AIG1: variants seen among roughly 807,000 people sequenced by gnomAD.
AIG1 encodes androgen-induced gene 1 protein.
AIG1 carries 23 observed loss-of-function variants against 31.4 expected under a neutral mutation model. The observed-to-expected ratio is 0.73, with a 90% confidence interval of 0.53 to 1.04. AIG1 has a LOEUF of 1.04. Ranked by LOEUF, AIG1 falls within the 50% of genes least tolerant of loss-of-function variation. The probability of loss-of-function intolerance (pLI) is 0.00; values close to 1 mark genes in which losing one functional copy is unlikely to be tolerated. For missense variants in AIG1, 274 were observed against 295.0 expected (o/e 0.93, Z 0.52); for synonymous variants, 100 against 110.5 (o/e 0.90, Z 0.60).
intron 4 of AIG1, among the ~76,000 whole-genome samples, chr6:143,332,841 T>C (rs1777190151): frequency 6.6e-6 from 1 of 152,180 alleles, no homozygotes; most frequent in Admixed American, 6.5e-5. Context: ...AAGTAGAGAC[T>C]GAGAAACTGC....
intron 3 of AIG1, among the ~76,000 whole-genome samples, chr6:143,254,538 CTTTTG>C (rs959879127): frequency 1.3e-5 from 2 of 152,188 alleles, no homozygotes; most frequent in Non-Finnish European, 2.9e-5. Flanking sequence ...TCTTTTCCAT[CTTTTG>C]TTTTGTTTTG....
intron 3 of AIG1, among the ~76,000 whole-genome samples, chr6:143,263,521 T>A (rs1237700537): frequency 1.3e-5 from 2 of 152,232 alleles, no homozygotes; most frequent in East Asian, 3.8e-4. Context: ...AATGTAACTT[T>A]AATAACAAGG....
chr6:143,323,703 C>A (rs1289632376), intron 4 of AIG1, among the ~76,000 whole-genome samples: 4 of 152,134 alleles, frequency 2.6e-5, no homozygotes, highest in Admixed American at 2.0e-4. Flanking sequence ...GGAATCTTGG[C>A]AGACCCCCAC....
At chr6:143,103,662 T>C (rs986336587) in intron 1 of AIG1, among the ~76,000 whole-genome samples, 3 of 151,310 alleles carry the variant, frequency 2.0e-5, no homozygotes, top group African/African-American at 4.9e-5. Flanking sequence ...CGCCCGCCAC[T>C]ACGCCCGGCT....
In AIG1 at chr6:143,151,680, C is replaced by T. The variant is rs78859580; in HGVS notation, c.298-13402C>T. ...CTCTCAGTAAGTGAACTTATGCTAA[C>T]GAAATGATTATAGACTAAAGATTAA... On this transcript the variant is annotated intron_variant, in intron 2 of 5. Transcript: ENST00000357847. Among the ~76,000 whole-genome samples, 678 of 152,064 alleles carry T rather than the reference C, an allele frequency of 4.5e-3. 3 individuals carry two copies. Among genetic ancestry groups the T allele is most frequent in the Non-Finnish European group, 7.8e-3 (529 of 67,994 alleles).
intron 3 of AIG1, among the ~76,000 whole-genome samples, chr6:143,282,426 T>C (rs1177380481): frequency 6.6e-6 from 1 of 152,222 alleles, no homozygotes; most frequent in Non-Finnish European, 1.5e-5. Flanking sequence ...CTCAAACTGT[T>C]GGCGACATTC....
Position 143,329,038 on chromosome 6 carries a change from A to G in AIG1, c.516-4244A>G, listed in dbSNP as rs1402365035. On this transcript the variant is annotated intron_variant, in intron 4 of 5. Transcript: ENST00000357847. The surrounding 1 kb of genome is among the most constrained non-coding windows in gnomAD (Gnocchi z 4.9). Reference sequence around the variant, plus strand: ...GAGAATTGAGCCCTGATAAAAATCAAGGAAACAAATGGTGAAAGCACAACT... The same window carrying G: ...GAGAATTGAGCCCTGATAAAAATCAGGGAAACAAATGGTGAAAGCACAACT... 6.6e-6 allele frequency among the ~76,000 whole-genome samples: 1 copy of G among 152,248 alleles called. No individual in the cohort carries two copies. Among genetic ancestry groups the G allele is most frequent in the African/African-American group, 2.4e-5 (1 of 41,472 alleles).
intron 3 of AIG1, among the ~76,000 whole-genome samples, chr6:143,245,171 T>C (rs1339504414): frequency 6.6e-6 from 1 of 152,210 alleles, no homozygotes; most frequent in African/African-American, 2.4e-5. Context: ...TAATCTCTTA[T>C]ATTAGTAGAG....
intron 2 of AIG1, among the ~76,000 whole-genome samples, chr6:143,157,052 AC>A (rs1184039604): frequency 6.6e-6 from 1 of 152,254 alleles, no homozygotes. Context: ...TTATTTTTAG[AC>A]CTTGCAGACC....
At chr6:143,277,941 C>T (rs866310779) in intron 3 of AIG1, among the ~76,000 whole-genome samples, 3 of 152,170 alleles carry the variant, frequency 2.0e-5, no homozygotes, top group Admixed American at 6.5e-5. Flanking sequence ...TGAGAGCTCC[C>T]CTAATTCATC....
intron 3 of AIG1, among the ~76,000 whole-genome samples, chr6:143,227,381 C>G (rs1222230398): frequency 6.6e-6 from 1 of 152,214 alleles, no homozygotes; most frequent in East Asian, 1.9e-4. Context: ...GCCCCTGCCC[C>G]GTGCCCCTCC....
intron 1 of AIG1, among the ~76,000 whole-genome samples, chr6:143,073,691 A>G (rs2128463369): frequency 1.3e-5 from 2 of 152,356 alleles, no homozygotes; most frequent in Middle Eastern, 3.4e-3. Context: ...TGTAGGAAAC[A>G]TAACACTAGC....
At chr6:143,274,006 CT>C (rs1796720969) in intron 3 of AIG1, among the ~76,000 whole-genome samples, 1 of 152,214 alleles carries the variant, frequency 6.6e-6, no homozygotes, top group South Asian at 2.1e-4. Context: ...ACTCTCCCTT[CT>C]TCCCCTCTAC....
At chr6:143,119,595 T>A (rs1782069639) in intron 1 of AIG1, among the ~76,000 whole-genome samples, 2 of 152,222 alleles carry the variant, frequency 1.3e-5, no homozygotes, top group South Asian at 4.1e-4. Flanking sequence ...GATAACACTT[T>A]TGTGTTTGCA....
chr6:143,329,226 A>G lies in AIG1; in HGVS notation c.516-4056A>G, dbSNP rs1313522572. ...TTTTGGAGACAATATTGAATGCCTC[A>G]TTTAGGGAAGCAAGTCCATGCAGCA... On this transcript the variant is annotated intron_variant, in intron 4 of 5. Coordinates refer to ENST00000357847, the MANE Select transcript of AIG1 (RefSeq NM_016108.4). The surrounding 1 kb of genome is among the most constrained non-coding windows in gnomAD (Gnocchi z 4.9). Among the ~76,000 whole-genome samples, 4 of 152,238 alleles carry G rather than the reference A, an allele frequency of 2.6e-5. No individual in the cohort carries two copies. The highest frequency in any genetic ancestry group is 7.2e-5 in the African/African-American group (3 of 41,476).
chr6:143,204,335 T>C (rs771918193), intron 3 of AIG1, among the ~76,000 whole-genome samples: 1 of 152,154 alleles, frequency 6.6e-6, no homozygotes, highest in Non-Finnish European at 1.5e-5. Context: ...TGTGCTCAGC[T>C]AGAACTGTTG....
At chr6:143,114,218 A>T (rs1781550538) in intron 1 of AIG1, among the ~76,000 whole-genome samples, 1 of 152,188 alleles carries the variant, frequency 6.6e-6, no homozygotes, top group Non-Finnish European at 1.5e-5. Context: ...CTTTCAAAAC[A>T]CATATCTGTT....
chr6:143,205,826 C>CT (rs1168656438), intron 3 of AIG1, among the ~76,000 whole-genome samples: 1 of 152,172 alleles, frequency 6.6e-6, no homozygotes, highest in Non-Finnish European at 1.5e-5. Context: ...CAAACAAAAG[C>CT]TTTTAATAAA....
Position 143,197,177 on chromosome 6 carries a change from CTT to C in AIG1, c.399+32006_399+32007del, listed in dbSNP as rs76014278. On this transcript the variant is annotated intron_variant, in intron 3 of 5. Transcript: ENST00000357847. ...TCAAATGTTTCTCGACACAAAAGTG[CTT>C]TTTTTTTTTTTCCTGTAGGACAGTA... Among the ~76,000 whole-genome samples, 522 of 141,936 alleles carry C rather than the reference CTT, an allele frequency of 3.7e-3. 6 individuals carry two copies. The highest frequency in any genetic ancestry group is 0.013 in the African/African-American group (490 of 38,870). The allele number at this position is 141,936 out of a possible 152,430, so 93.1% of individuals were successfully genotyped here.
Sources: gnomAD v4.1 joint callset for allele counts (sites outside exome capture counted in the v4.1 genomes callset) on GRCh38, gnomAD v4.1.1 for gene constraint, Gnocchi (gnomAD v3.1) non-coding constraint, MANE v1.5 for transcripts, NCBI Gene and HGNC (gene_info 2026-07-23, HGNC 2026-07-21) for gene names.